The following SLCO3A1 variants were observed in gnomAD, a reference collection of about 807,000 sequenced individuals.
SLCO3A1 encodes the protein PGE1 transporter.
Under a neutral mutation model 63.1 loss-of-function variants are expected in SLCO3A1, and 27 were observed. The observed-to-expected ratio is 0.43, with a 90% confidence interval of 0.32 to 0.59. SLCO3A1 has a LOEUF of 0.59. Among genes scored for constraint, SLCO3A1 ranks in the 20% least tolerant of loss-of-function variants. The pLI, the probability that SLCO3A1 is intolerant of heterozygous loss-of-function variation, is 0.09. For synonymous variants in SLCO3A1, 473 were observed against 409.9 expected (o/e 1.15, Z -1.86); for missense variants, 773 against 945.8 (o/e 0.82, Z 2.40).
intron 7 of SLCO3A1, among the ~76,000 whole-genome samples, chr15:92,143,405 T>TGTA (rs1235735363): frequency 8.6e-4 from 1 of 1,168 alleles, no homozygotes; most frequent in Non-Finnish European, 1.2e-3. Flanking sequence ...ATATAATATA[T>TGTA]ATAATATATA....
chr15:92,049,372 C>T (rs573049379), intron 2 of SLCO3A1, among the ~76,000 whole-genome samples: 3 of 152,264 alleles, frequency 2.0e-5, no homozygotes, highest in Admixed American at 1.3e-4. Context: ...GTTCAATAAG[C>T]GGTGTGTGTT....
rs150211488 is a variant in SLCO3A1, at chr15:91,912,977, C to T, written c.181-3016C>T. ...TAAACCTCTGGTAAATCATTTATTC[C>T]ATCATGTATGTATGTTTGTTTGTGT... On this transcript the variant is annotated intron_variant, in intron 1 of 9. Transcript: ENST00000318445. This position sits in a 1 kb window ranked among gnomAD's most constrained non-coding sequence, Gnocchi z 5.0. 3.3e-5 allele frequency among the ~76,000 whole-genome samples: 5 copies of T among 152,288 alleles called. No individual in the cohort carries two copies. The East Asian group carries it at 5.8e-4, about 18-fold the overall frequency.
chr15:92,010,614 G>A (rs2046358791), intron 2 of SLCO3A1, among the ~76,000 whole-genome samples: 1 of 152,122 alleles, frequency 6.6e-6, no homozygotes, highest in South Asian at 2.1e-4. Flanking sequence ...GTCCTTACCT[G>A]TCTGCAAAAC....
At position 91,916,287 on chromosome 15, in the gene SLCO3A1, G is replaced by A. The variant is rs376852333; in HGVS notation, c.475G>A (p.Glu159Lys). ...VCAANGSGGD[E>K]GPDPDLICRN... ...CGCAGCCAACGGCTCGGGCGGCGAC[G>A]AGGGGCCCGACCCCGACCTCATCTG... is the stretch of plus-strand genomic sequence containing the variant. Residue 159 changes from glutamate (E) to lysine (K), a missense_variant, in exon 2 of 10, where the codon GAG becomes AAG. Glu to Lys is a moderately conservative substitution (Grantham distance 56). Transcript: ENST00000318445. The surrounding 1 kb of genome is among the most constrained non-coding windows in gnomAD (Gnocchi z 6.2). 5.1e-6 allele frequency: 8 copies of A among 1,555,428 alleles called. No homozygotes were observed. Among genetic ancestry groups the A allele is most frequent in the African/African-American group, 2.7e-5 (2 of 73,292 alleles).
intron 2 of SLCO3A1, among the ~76,000 whole-genome samples, chr15:91,965,456 T>G (rs1046498875): frequency 2.0e-5 from 3 of 152,176 alleles, no homozygotes; most frequent in Admixed American, 6.5e-5. Context: ...AACAATCTCA[T>G]TTGGGCCTCT....
intron 9 of SLCO3A1, among the ~76,000 whole-genome samples, chr15:92,154,425 G>C (rs1193922391): frequency 2.6e-5 from 4 of 152,210 alleles, no homozygotes; most frequent in Admixed American, 2.0e-4. Context: ...AGGTGCTGTT[G>C]CACACTTGAA....
At position 92,016,827 on chromosome 15, in the gene SLCO3A1, G is replaced by A. The variant is rs138694468; in HGVS notation, c.647-78054G>A. Among the ~76,000 whole-genome samples the A allele has an allele frequency of 1.3e-3, 203 of 152,272 alleles. 1 individual carries two copies. The highest frequency in any genetic ancestry group is 4.6e-3 in the African/African-American group (190 of 41,554). On this transcript the variant is annotated intron_variant, in intron 2 of 9. Coordinates refer to ENST00000318445, the MANE Select transcript of SLCO3A1 (RefSeq NM_013272.4). Reference sequence around the variant, plus strand: ...GGGGGAGGATGGAAGATGAACTTCGGGCCTGTGGATTTGAGGTGGCAATGA... The same window carrying A: ...GGGGGAGGATGGAAGATGAACTTCGAGCCTGTGGATTTGAGGTGGCAATGA...
intron 2 of SLCO3A1, among the ~76,000 whole-genome samples, chr15:91,981,349 A>G (rs1168154270): frequency 1.3e-5 from 2 of 151,890 alleles, no homozygotes; most frequent in Non-Finnish European, 2.9e-5. Flanking sequence ...GAAAGTGTAA[A>G]CTCGTCCTGT....
Position 92,047,071 on chromosome 15 carries a change from A to AT in SLCO3A1, c.647-47810_647-47809insT, listed in dbSNP as rs2046878272. On this transcript the variant is annotated intron_variant, in intron 2 of 9. Transcript: ENST00000318445. ...ATATATAATATATAAATATATATAC[A>AT]AATATATATAATATATAAATATATA... Among the ~76,000 whole-genome samples, 5 of 27,668 alleles carry AT rather than the reference A, an allele frequency of 1.8e-4. 1 individual carries two copies. The highest frequency in any genetic ancestry group is 5.5e-4 in the African/African-American group (4 of 7,296). 18.2% of individuals were successfully genotyped at this position (27,668 alleles called of 152,430 possible).
chr15:92,021,607 AAT>A (rs1245934873), intron 2 of SLCO3A1, among the ~76,000 whole-genome samples: 2 of 152,124 alleles, frequency 1.3e-5, no homozygotes, highest in Non-Finnish European at 2.9e-5. Flanking sequence ...AGATTTCCGT[AAT>A]AGTTTTATTG....
intron 5 of SLCO3A1, among the ~76,000 whole-genome samples, chr15:92,122,600 A>T (rs1047239344): frequency 6.6e-6 from 1 of 152,248 alleles, no homozygotes; most frequent in African/African-American, 2.4e-5. Flanking sequence ...GGCTGTGCCT[A>T]TTAAAGCTAA....
chr15:92,031,480 C>A (rs867712900), intron 2 of SLCO3A1, among the ~76,000 whole-genome samples: 2 of 152,220 alleles, frequency 1.3e-5, no homozygotes, highest in African/African-American at 2.4e-5. Context: ...GATAACTCCT[C>A]ATGCTCCTTG....
chr15:92,001,309 C>T (rs764083264), intron 2 of SLCO3A1, among the ~76,000 whole-genome samples: 6 of 152,168 alleles, frequency 3.9e-5, no homozygotes, highest in African/African-American at 7.2e-5. Flanking sequence ...ATGGGCAAGG[C>T]ATCCAGCTTA....
intron 9 of SLCO3A1, among the ~76,000 whole-genome samples, chr15:92,157,847 A>G (rs1452781323): frequency 6.6e-6 from 1 of 152,184 alleles, no homozygotes; most frequent in African/African-American, 2.4e-5. Flanking sequence ...TCTTTACAAA[A>G]GCTCTGCCTG....
At chr15:91,874,817 C>T (rs1897361786) in intron 1 of SLCO3A1, among the ~76,000 whole-genome samples, 2 of 152,192 alleles carry the variant, frequency 1.3e-5, no homozygotes, top group African/African-American at 4.8e-5. Context: ...GTTTCGTATT[C>T]TGAATGTATC....
intron 2 of SLCO3A1, among the ~76,000 whole-genome samples, chr15:92,079,280 A>G (rs1244376518): frequency 1.3e-5 from 2 of 152,188 alleles, no homozygotes; most frequent in South Asian, 4.1e-4. Context: ...GTTGGCCCAC[A>G]TGATCCCCAC....
chr15:91,871,048 C>T (rs571910732), intron 1 of SLCO3A1, among the ~76,000 whole-genome samples: 1 of 152,154 alleles, frequency 6.6e-6, no homozygotes, highest in East Asian at 1.9e-4. Flanking sequence ...TCTTGCCTTT[C>T]CAGGAGTCTG....
At chr15:91,958,676 C>T (rs188535868) in intron 2 of SLCO3A1, among the ~76,000 whole-genome samples, 1 of 152,268 alleles carries the variant, frequency 6.6e-6, no homozygotes, top group Non-Finnish European at 1.5e-5. Flanking sequence ...AATTCATATA[C>T]TATAAAATTT....
At chr15:92,101,796 C>T (rs1471387494) in intron 3 of SLCO3A1, among the ~76,000 whole-genome samples, 1 of 152,182 alleles carries the variant, frequency 6.6e-6, no homozygotes, top group Admixed American at 6.5e-5. Context: ...ACGCAGGCCC[C>T]GTCTCCTGTA....
Sources: allele counts gnomAD v4.1 joint callset (sites outside exome capture counted in the v4.1 genomes callset), GRCh38; gene constraint gnomAD v4.1.1; non-coding constraint Gnocchi (gnomAD v3.1); transcripts MANE v1.5; gene names NCBI Gene and HGNC (gene_info 2026-07-23, HGNC 2026-07-21).